The following G3BP2 variants were observed in gnomAD, a reference collection of about 807,000 sequenced individuals.
G3BP2 encodes the protein ras GTPase-activating protein-binding protein 2.
Under a neutral mutation model 56.7 loss-of-function variants are expected in G3BP2, and 11 were observed. The observed-to-expected ratio is 0.19, with a 90% confidence interval of 0.12 to 0.32. The LOEUF (loss-of-function observed/expected upper bound fraction) is 0.32, where lower values mean the gene tolerates loss of function less well. Among genes scored for constraint, G3BP2 ranks in the 10% least tolerant of loss-of-function variants. The pLI is 1.00. For synonymous variants in G3BP2, 165 were observed against 191.6 expected, an observed-to-expected ratio of 0.86 and a Z score of 1.15; for missense variants, 340 against 610.9, an observed-to-expected ratio of 0.56 and a Z score of 4.67.
chr4:75,715,889 C>T (rs1489364820), intron 3 of G3BP2, among the ~76,000 whole-genome samples: 1 of 152,080 alleles, frequency 6.6e-6, no homozygotes, highest in African/African-American at 2.4e-5. Flanking sequence ...TACCAAAATA[C>T]CAGTATAGTC....
chr4:75,659,009 G>C lies in G3BP2; in HGVS notation c.96-85C>G, dbSNP rs1362697498. 14 of 1,007,382 alleles carry C rather than the reference G, an allele frequency of 1.4e-5. No individual in the cohort carries two copies. The Admixed American group carries it at 2.5e-4, about 18-fold the overall frequency. 62.4% of individuals were successfully genotyped at this position (1,007,382 alleles called of 1,614,324 possible). ...TTCTGGTGTCATAGACTAGGTTCCG[G>C]ATCCCGCTCTGTCACTAATTAGTTG... On this transcript the variant is annotated intron_variant, in intron 2 of 11. Coordinates refer to ENST00000359707, the MANE Select transcript of G3BP2 (RefSeq NM_203505.3).
chr4:75,720,729 G>T (rs1478005155), intron 3 of G3BP2, among the ~76,000 whole-genome samples: 6 of 150,958 alleles, frequency 4.0e-5, no homozygotes, highest in African/African-American at 1.5e-4. Flanking sequence ...CCGGGAGGCC[G>T]AGGTTGCAGT....
At chr4:75,700,849 T>A (rs1203731905) in intron 3 of G3BP2, among the ~76,000 whole-genome samples, 2 of 152,108 alleles carry the variant, frequency 1.3e-5, no homozygotes, top group Non-Finnish European at 2.9e-5. Flanking sequence ...AATAATTTTA[T>A]TTTTTTGAGG....
chr4:75,645,361 A>G lies in G3BP2; in HGVS notation c.*69T>C, dbSNP rs1359583681. The G allele has an allele frequency of 1.1e-5, 16 of 1,472,166 alleles. No individual in the cohort carries two copies. Among genetic ancestry groups the G allele is most frequent in the Non-Finnish European group, 1.3e-5 (14 of 1,088,494 alleles). 91.2% of individuals were successfully genotyped at this position (1,472,166 alleles called of 1,614,324 possible). Reference sequence around the variant, plus strand: ...GCTGTGTCACATTCCAAAGCCAAAAAAAAAATTAACAAGAATGCAAACACG... The same window carrying G: ...GCTGTGTCACATTCCAAAGCCAAAAGAAAAATTAACAAGAATGCAAACACG... On this transcript the variant is annotated 3_prime_UTR_variant, in exon 12 of 12. Transcript: ENST00000359707.
At chr4:75,658,993 C>A in intron 2 of G3BP2, 69 bp from the exon 3 acceptor site, 1 of 1,183,522 alleles carries the variant, frequency 8.4e-7, no homozygotes, top group South Asian at 1.2e-5. Context: ...ATTCTGGTGT[C>A]ATAGACTAGG....
chr4:75,674,705 TATATATATA>T (rs1376700842), upstream of G3BP2, among the ~76,000 whole-genome samples: 18 of 43,768 alleles, frequency 4.1e-4, no homozygotes, highest in African/African-American at 1.5e-3. Flanking sequence ...CATATATATA[TATATATATA>T]TATATTTTTT....
intron 3 of G3BP2, among the ~76,000 whole-genome samples, chr4:75,684,128 G>A (rs987161782): frequency 3.9e-5 from 6 of 152,158 alleles, no homozygotes; most frequent in African/African-American, 1.2e-4. Flanking sequence ...TAAATAGGCC[G>A]GGTGCGGTGG....
chr4:75,691,884 G>A (rs1718872581), intron 3 of G3BP2, among the ~76,000 whole-genome samples: 1 of 151,920 alleles, frequency 6.6e-6, no homozygotes, highest in South Asian at 2.1e-4. Context: ...ACATACACAC[G>A]CATACTCCTC....
intron 1 of G3BP2, among the ~76,000 whole-genome samples, chr4:75,667,129 A>T (rs897514809): frequency 6.6e-6 from 1 of 152,046 alleles, no homozygotes; most frequent in African/African-American, 2.4e-5. Flanking sequence ...TCTACTAAAA[A>T]ATACAAAAAA....
chr4:75,698,235 G>C (rs6531867), intron 3 of G3BP2, among the ~76,000 whole-genome samples: 133,193 of 152,088 alleles, frequency 0.88, 58,341 homozygotes, highest in East Asian at 0.91. Flanking sequence ...GTTAATGTTA[G>C]AGAGAAGGCT....
intron 1 of G3BP2, among the ~76,000 whole-genome samples, chr4:75,664,666 G>A (rs567846904): frequency 6.6e-6 from 1 of 151,944 alleles, no homozygotes; most frequent in African/African-American, 2.4e-5. Context: ...TGACCAAGAT[G>A]GTGAAACCCC....
At chr4:75,653,354 A>C (rs1453050429) in intron 8 of G3BP2, among the ~76,000 whole-genome samples, 3 of 152,146 alleles carry the variant, frequency 2.0e-5, no homozygotes, top group Admixed American at 2.0e-4. Context: ...AGTTCATTCT[A>C]AACTAAATCT....
intron 1 of G3BP2, among the ~76,000 whole-genome samples, chr4:75,670,958 A>G (rs1029679038): frequency 1.3e-5 from 2 of 152,228 alleles, no homozygotes; most frequent in Admixed American, 6.5e-5. Flanking sequence ...ACAGCAGGAC[A>G]GCAACAGAAA....
At chr4:75,648,367 A>C (rs1197596844) in intron 9 of G3BP2, among the ~76,000 whole-genome samples, 2 of 2,666 alleles carry the variant, frequency 7.5e-4, no homozygotes, top group African/African-American at 2.1e-3. Context: ...CAAACAAACA[A>C]AAAAAAAAAA....
chr4:75,646,881 C>T (rs775714486), intron 10 of G3BP2, 148 bp downstream of exon 10: 3 of 555,848 alleles, frequency 5.4e-6, no homozygotes, highest in African/African-American at 1.9e-5. Context: ...GTCATCTACT[C>T]CCTTCTGCAC....
chr4:75,720,022 C>T (rs1009766231), intron 3 of G3BP2, among the ~76,000 whole-genome samples: 7 of 97,334 alleles, frequency 7.2e-5, no homozygotes, highest in South Asian at 3.7e-4. Flanking sequence ...GCCCAGAACC[C>T]TTTTTTTTTT....
chr4:75,717,524 C>A (rs1719975790), intron 3 of G3BP2, among the ~76,000 whole-genome samples: 1 of 152,120 alleles, frequency 6.6e-6, no homozygotes, highest in African/African-American at 2.4e-5. Context: ...TGGGGCATAG[C>A]CTCAGGCAAA....
chr4:75,655,636 A>G (rs1732038040), intron 6 of G3BP2, 132 bp downstream of exon 6: 1 of 613,548 alleles, frequency 1.6e-6, no homozygotes, highest in Non-Finnish European at 2.9e-6. Flanking sequence ...TTGCATATAC[A>G]CAATAGGTAC....
At chr4:75,719,275 G>A (rs1431362797) in intron 3 of G3BP2, among the ~76,000 whole-genome samples, 1 of 149,068 alleles carries the variant, frequency 6.7e-6, no homozygotes, top group Non-Finnish European at 1.5e-5. Flanking sequence ...GTGAACCCGG[G>A]AGGCGGAGCT....
Sources: allele counts gnomAD v4.1 joint callset (sites outside exome capture counted in the v4.1 genomes callset), GRCh38; gene constraint gnomAD v4.1.1; transcripts MANE v1.5; gene names NCBI Gene and HGNC (gene_info 2026-07-23, HGNC 2026-07-21).